The following R3HDM2 variants were observed in gnomAD, a reference collection of about 807,000 sequenced individuals.
R3HDM2 encodes R3H domain-containing protein 2.
R3HDM2 carries 38 observed loss-of-function variants against 124.5 expected under a neutral mutation model. The ratio of observed to expected loss-of-function variants is 0.31; its 90% CI spans 0.24 to 0.40. The LOEUF is 0.40. Among genes scored for constraint, R3HDM2 ranks in the 10% least tolerant of loss-of-function variants. R3HDM2 has a pLI of 1.00. For synonymous variants in R3HDM2, 391 were observed against 448.0 expected, an observed-to-expected ratio of 0.87 and a Z score of 1.61; for missense variants, 869 against 1,236.9, an observed-to-expected ratio of 0.70 and a Z score of 4.46.
In R3HDM2 at chr12:57,258,988, T is replaced by G. The variant is rs1433193385; in HGVS notation, c.2203A>C (p.Asn735His). 1.6e-5 allele frequency: 26 copies of G among 1,613,294 alleles called. No individual in the cohort carries two copies. The East Asian group carries it at 5.8e-4, about 36-fold the overall frequency. ...NVPNGPQPPQ[N>H]PSMVQWSHCK... The stretch of plus-strand genomic sequence containing the variant: ...TGACTCCACTGGACCATGGATGGGT[T>G]CTGAGGGGGCTGGGGTCCATTAGGG... Residue 735 changes from asparagine (N) to histidine (H), a missense_variant, in exon 20 of 24, where the codon AAC becomes CAC. Physicochemically the swap from Asn to His is moderately conservative, Grantham distance 68. Around this residue, in one of 2 missense-constraint regions of R3HDM2, gnomAD observed 602 missense variants for 789.2 expected, o/e 0.76. Coordinates refer to ENST00000402412, the MANE Select transcript of R3HDM2 (RefSeq NM_001394031.1).
intron 2 of R3HDM2, among the ~76,000 whole-genome samples, chr12:57,328,603 T>C (rs1322899563): frequency 1.3e-5 from 2 of 152,182 alleles, no homozygotes; most frequent in Non-Finnish European, 2.9e-5. Flanking sequence ...ATGGGTGCAA[T>C]CATAGTGTCC....
intron 2 of R3HDM2, among the ~76,000 whole-genome samples, chr12:57,364,143 CT>C (rs11320875): frequency 0.34 from 27,321 of 81,034 alleles, 2,633 homozygotes; most frequent in South Asian, 0.39. Flanking sequence ...GACTCGGTGT[CT>C]TTTTTTTTTT....
intron 14 of R3HDM2, chr12:57,272,308 T>A: frequency 1.4e-6 from 1 of 707,256 alleles, no homozygotes; most frequent in Non-Finnish European, 2.5e-6. Context: ...TAGTTCAGCC[T>A]GTGCTGGTCC....
intron 2 of R3HDM2, among the ~76,000 whole-genome samples, chr12:57,386,791 A>G (rs1020555137): frequency 1.3e-5 from 2 of 152,126 alleles, no homozygotes; most frequent in African/African-American, 4.8e-5. Flanking sequence ...AAATACACCA[A>G]TCAGCACTCT....
At chr12:57,421,450 CT>C (rs71084752) in intron 1 of R3HDM2, among the ~76,000 whole-genome samples, 45,527 of 111,082 alleles carry the variant, frequency 0.41, 9,543 homozygotes, top group South Asian at 0.49. Context: ...ACACCCAGCT[CT>C]TTTTTTTTTT....
chr12:57,325,483 G>A (rs1298397263), intron 2 of R3HDM2, among the ~76,000 whole-genome samples: 1 of 152,172 alleles, frequency 6.6e-6, no homozygotes, highest in Non-Finnish European at 1.5e-5. Flanking sequence ...TGATACCAGA[G>A]TGGAAAACCA....
chr12:57,399,659 A>C (rs2067872958), intron 1 of R3HDM2, among the ~76,000 whole-genome samples: 2 of 152,174 alleles, frequency 1.3e-5, no homozygotes, highest in South Asian at 4.1e-4. Flanking sequence ...GCCTCTAGTC[A>C]CCTGAAGACA....
intron 2 of R3HDM2, 76 bp downstream of exon 2, chr12:57,395,673 A>G: frequency 1.8e-6 from 1 of 562,558 alleles, no homozygotes; most frequent in Non-Finnish European, 2.3e-6. Flanking sequence ...TTGTGTGAGG[A>G]TTAAATGAGA....
At chr12:57,407,619 C>G (rs576148935) in intron 1 of R3HDM2, among the ~76,000 whole-genome samples, 131 of 152,082 alleles carry the variant, frequency 8.6e-4, no homozygotes, top group African/African-American at 3.1e-3. Flanking sequence ...CTTGGCCAGG[C>G]TGGTCTTGAA....
rs893208078 is a variant in R3HDM2 at position 57,296,968 on chromosome 12, T to C, written c.560+360A>G. The C allele has an allele frequency of 2.7e-5, 6 of 219,010 alleles. No homozygotes were observed. The highest frequency in any genetic ancestry group is 5.4e-5 in the Non-Finnish European group (6 of 110,676). The allele number at this position is 219,010 out of a possible 1,614,324, so 13.6% of individuals were successfully genotyped here. A position where few individuals can be genotyped will look rare whatever the true frequency, so the allele number is the denominator to read the frequency against. On this transcript the variant is annotated intron_variant, in intron 8 of 23. Transcript: ENST00000402412. The surrounding 1 kb of genome is among the most constrained non-coding windows in gnomAD (Gnocchi z 4.5). ...CTACTCAATGGCTGAGGCACAAGAA[T>C]CACTTGAACCCAGGAGGCAGAATTG...
At chr12:57,407,550 C>T (rs1036910082) in intron 1 of R3HDM2, among the ~76,000 whole-genome samples, 50 of 151,198 alleles carry the variant, frequency 3.3e-4, no homozygotes, top group Non-Finnish European at 5.3e-4. Flanking sequence ...GAATTACAGG[C>T]GTCTGCCACC....
At chr12:57,257,796 A>C (rs943545447) in intron 21 of R3HDM2, among the ~76,000 whole-genome samples, 194 bp downstream of exon 21, 48 of 152,360 alleles carry the variant, frequency 3.2e-4, no homozygotes, top group Non-Finnish European at 5.3e-4. Flanking sequence ...AGGCTAAAGA[A>C]AGTTAAGCAT....
intron 1 of R3HDM2, among the ~76,000 whole-genome samples, chr12:57,420,212 C>T (rs530848068): frequency 4.6e-4 from 70 of 152,214 alleles, no homozygotes; most frequent in South Asian, 1.7e-3. Context: ...TATAAATATG[C>T]TCGAGTTTGT....
At chr12:57,389,664 G>A (rs2066372090) in intron 2 of R3HDM2, among the ~76,000 whole-genome samples, 1 of 152,154 alleles carries the variant, frequency 6.6e-6, no homozygotes, top group Non-Finnish European at 1.5e-5. Context: ...GGTTGGAAAG[G>A]CTGCTTTAAT....
intron 2 of R3HDM2, among the ~76,000 whole-genome samples, chr12:57,341,058 G>C (rs1214659646): frequency 6.6e-6 from 1 of 152,162 alleles, no homozygotes; most frequent in African/African-American, 2.4e-5. Context: ...TTTTAGGTCT[G>C]AGAAACAGTG....
intron 2 of R3HDM2, among the ~76,000 whole-genome samples, chr12:57,391,965 C>T (rs1250374128): frequency 2.6e-5 from 4 of 152,134 alleles, no homozygotes; most frequent in African/African-American, 9.7e-5. Context: ...AGTTGGAGAC[C>T]AGCCTGGCCA....
chr12:57,355,477 GA>G (rs956922251), intron 2 of R3HDM2, among the ~76,000 whole-genome samples: 36 of 136,338 alleles, frequency 2.6e-4, no homozygotes, highest in African/African-American at 6.4e-4. Flanking sequence ...AAAAAAGAAA[GA>G]AAAAAAAAAG....
chr12:57,327,640 G>C (rs1332463691), intron 2 of R3HDM2, among the ~76,000 whole-genome samples: 1 of 152,134 alleles, frequency 6.6e-6, no homozygotes, highest in Non-Finnish European at 1.5e-5. Flanking sequence ...ACACGAACAG[G>C]AGTTTGGAAG....
intron 1 of R3HDM2, among the ~76,000 whole-genome samples, chr12:57,428,017 G>C (rs757410802): frequency 2.1e-4 from 32 of 151,988 alleles, no homozygotes; most frequent in Non-Finnish European, 4.3e-4. Context: ...CTACTCAGGG[G>C]GCTGAGGCAG....
Sources: allele counts gnomAD v4.1 joint callset (sites outside exome capture counted in the v4.1 genomes callset), GRCh38; gene constraint gnomAD v4.1.1; regional missense constraint gnomAD v4.1.1; non-coding constraint Gnocchi (gnomAD v3.1); transcripts MANE v1.5; gene names NCBI Gene and HGNC (gene_info 2026-07-23, HGNC 2026-07-21).